GLS: variants seen among roughly 807,000 people sequenced by gnomAD.
GLS encodes the protein glutaminase kidney isoform, mitochondrial.
In GLS, 36 loss-of-function variants were observed where a neutral mutation model predicts 86.7. The ratio of observed to expected loss-of-function variants is 0.42; its 90% CI spans 0.32 to 0.55. GLS has a LOEUF of 0.55. Among genes scored for constraint, GLS ranks in the 20% least tolerant of loss-of-function variants. GLS has a pLI of 0.17. For missense variants in GLS, 528 were observed against 833.4 expected, an observed-to-expected ratio of 0.63 and a Z score of 4.51; for synonymous variants, 317 against 305.9, an observed-to-expected ratio of 1.04 and a Z score of -0.38.
intron 17 of GLS, among the ~76,000 whole-genome samples, chr2:190,958,358 T>A (rs977176256): frequency 6.6e-6 from 1 of 152,178 alleles, no homozygotes; most frequent in African/African-American, 2.4e-5. Flanking sequence ...ATTTTGTTGA[T>A]GTTTTCAAAA....
chr2:190,938,399 A>C lies in GLS; in HGVS notation c.1650+6762A>C, dbSNP rs1690336128. On this transcript the variant is annotated intron_variant, in intron 14 of 17. Transcript: ENST00000320717. The surrounding 1 kb of genome is among the most constrained non-coding windows in gnomAD (Gnocchi z 4.1). ...GCAATTATATTTGGAATCCTGAGCT[A>C]TAATTAAATTTATATTCTGTAAAAC... 6.6e-6 allele frequency among the ~76,000 whole-genome samples: 1 copy of C among 151,618 alleles called. No individual in the cohort carries two copies. The highest frequency in any genetic ancestry group is 2.4e-5 in the African/African-American group (1 of 41,440).
chr2:190,934,890 G>T (rs187713469), intron 14 of GLS: 25 of 979,296 alleles, frequency 2.6e-5, no homozygotes, highest in Middle Eastern at 5.3e-4. Context: ...ACTGCGAATA[G>T]GCCCTCAAAC....
intron 1 of GLS, among the ~76,000 whole-genome samples, chr2:190,887,383 G>C (rs1688421048): frequency 6.6e-6 from 1 of 151,750 alleles, no homozygotes; most frequent in African/African-American, 2.4e-5. Context: ...CTTCCATTTG[G>C]GAGTGTCCTC....
At position 190,943,926 on chromosome 2, in the gene GLS, G is replaced by A. The variant is rs1372279290; in HGVS notation, c.1651-9639G>A. On this transcript the variant is annotated intron_variant, in intron 14 of 17. Transcript: ENST00000320717. The surrounding 1 kb of genome is among the most constrained non-coding windows in gnomAD (Gnocchi z 4.5). Reference sequence around the variant, plus strand: ...AACATTAAAGCAATTAGTAAAGATTGTGTTAGTATTGTGGGTTGGAATAAC... The same window carrying A: ...AACATTAAAGCAATTAGTAAAGATTATGTTAGTATTGTGGGTTGGAATAAC... 1.3e-5 allele frequency among the ~76,000 whole-genome samples: 2 copies of A among 152,164 alleles called. No individual in the cohort carries two copies. Among genetic ancestry groups the A allele is most frequent in the Non-Finnish European group, 2.9e-5 (2 of 68,014 alleles).
At position 190,938,824 on chromosome 2, in the gene GLS, G is replaced by A. The variant is rs1690347382; in HGVS notation, c.1650+7187G>A. 6.6e-6 allele frequency among the ~76,000 whole-genome samples: 1 copy of A among 151,604 alleles called. No homozygotes were observed. The highest frequency in any genetic ancestry group is 2.1e-4 in the South Asian group (1 of 4,832). On this transcript the variant is annotated intron_variant, in intron 14 of 17. Coordinates refer to ENST00000320717, the MANE Select transcript of GLS (RefSeq NM_014905.5). The surrounding 1 kb of genome is among the most constrained non-coding windows in gnomAD (Gnocchi z 4.1). Reference sequence around the variant, plus strand: ...ACTAATTGTATTTTTCTAGTAAGCAGTCTTATGTCCCAGTTGTTAAAAATT... The same window carrying A: ...ACTAATTGTATTTTTCTAGTAAGCAATCTTATGTCCCAGTTGTTAAAAATT...
chr2:190,961,476 C>T (rs1690998846), intron 17 of GLS, among the ~76,000 whole-genome samples: 1 of 152,180 alleles, frequency 6.6e-6, no homozygotes, highest in African/African-American at 2.4e-5. Context: ...GGATTACAGG[C>T]ATCACTGTAT....
At chr2:190,893,888 A>G (rs996878785) in intron 1 of GLS, among the ~76,000 whole-genome samples, 1 of 152,154 alleles carries the variant, frequency 6.6e-6, no homozygotes, top group African/African-American at 2.4e-5. Context: ...CCCAGCTTCA[A>G]ATGCATTTTT....
At chr2:190,944,379 TG>T (rs1690529671) in intron 14 of GLS, among the ~76,000 whole-genome samples, 1 of 152,206 alleles carries the variant, frequency 6.6e-6, no homozygotes, top group Admixed American at 6.5e-5. Flanking sequence ...TATTCACTAA[TG>T]TTCATGAACT....
At chr2:190,931,950 A>G (rs1448161874) in intron 14 of GLS, among the ~76,000 whole-genome samples, 2 of 151,966 alleles carry the variant, frequency 1.3e-5, no homozygotes, top group East Asian at 3.8e-4. Context: ...TTTAGAATTG[A>G]TTCTGTTAAA....
intron 11 of GLS, among the ~76,000 whole-genome samples, chr2:190,925,331 T>A (rs1343260081): frequency 6.6e-6 from 1 of 152,232 alleles, no homozygotes; most frequent in African/African-American, 2.4e-5. Flanking sequence ...CTGGCTTAAC[T>A]GGTGCTAGTT....
At chr2:190,961,458 A>G (rs1690998098) in intron 17 of GLS, among the ~76,000 whole-genome samples, 1 of 152,164 alleles carries the variant, frequency 6.6e-6, no homozygotes, top group Non-Finnish European at 1.5e-5. Context: ...TGGCCTCCCA[A>G]AGTGATAGGA....
At chr2:190,931,723 T>C (rs1690110558) in intron 14 of GLS, 86 bp downstream of exon 14, 1 of 629,540 alleles carries the variant, frequency 1.6e-6, no homozygotes, top group Admixed American at 2.7e-5. Flanking sequence ...AAATCTTAGT[T>C]TGTTAGTGGC....
rs565648527 is a variant in GLS, at chr2:190,964,321, A to C, written c.*1335A>C. The C allele has an allele frequency of 3.9e-5, 6 of 152,286 alleles. No homozygotes were observed. The highest frequency in any genetic ancestry group is 1.4e-4 in the African/African-American group (6 of 41,554). 9.4% of individuals were successfully genotyped at this position (152,286 alleles called of 1,614,324 possible). A position where few individuals can be genotyped will look rare whatever the true frequency, so the allele number is the denominator to read the frequency against. On this transcript the variant is annotated 3_prime_UTR_variant, in exon 18 of 18. Transcript: ENST00000320717. The surrounding 1 kb of genome is among the most constrained non-coding windows in gnomAD (Gnocchi z 5.2). ...AGTGGCATGTTAGTGAGGAGTTCTG[A>C]TATTAAGCACACACACACATGCACA...
chr2:190,896,315 G>C (rs1688738658), intron 3 of GLS: 1 of 152,098 alleles, frequency 6.6e-6, no homozygotes, highest in South Asian at 2.1e-4. Context: ...TCCTGTATTT[G>C]CATATATTTA....
chr2:190,907,975 G>T (rs1689218246), intron 6 of GLS, among the ~76,000 whole-genome samples: 1 of 152,292 alleles, frequency 6.6e-6, no homozygotes, highest in Non-Finnish European at 1.5e-5. Flanking sequence ...AAGAGGAGTT[G>T]AGTTAATTTA....
chr2:190,910,920 T>C (rs1168602298), intron 7 of GLS, among the ~76,000 whole-genome samples: 1 of 150,636 alleles, frequency 6.6e-6, no homozygotes, highest in Non-Finnish European at 1.5e-5. Context: ...GCTTTGAAAT[T>C]TGCATTGTAA....
chr2:190,881,631 C>A, intron 1 of GLS, 161 bp downstream of exon 1: 2 of 630,458 alleles, frequency 3.2e-6, no homozygotes, highest in Middle Eastern at 4.7e-4. Flanking sequence ...TGATTAGGCC[C>A]GGCCCCGCCC....
intron 9 of GLS, among the ~76,000 whole-genome samples, chr2:190,922,787 A>G (rs993690363): frequency 1.3e-5 from 2 of 152,226 alleles, no homozygotes; most frequent in Non-Finnish European, 2.9e-5. Context: ...AGTGATATAA[A>G]GAACATTAAC....
In GLS at chr2:190,943,740, C is replaced by T. The variant is rs1395286336; in HGVS notation, c.1651-9825C>T. On this transcript the variant is annotated intron_variant, in intron 14 of 17. Coordinates refer to ENST00000320717, the MANE Select transcript of GLS (RefSeq NM_014905.5). The surrounding 1 kb of genome is among the most constrained non-coding windows in gnomAD (Gnocchi z 4.5). ...GCTATGAAAGTGCTTTGAAAAGTTA[C>T]AGCATTAGAGAAACATACTGTTATT... is the stretch of plus-strand genomic sequence containing the variant. Among the ~76,000 whole-genome samples, 2 of 152,098 alleles carry T rather than the reference C, an allele frequency of 1.3e-5. No homozygotes were observed. The highest frequency in any genetic ancestry group is 2.9e-5 in the Non-Finnish European group (2 of 68,006).
Sources: allele counts gnomAD v4.1 joint callset (sites outside exome capture counted in the v4.1 genomes callset), GRCh38; gene constraint gnomAD v4.1.1; non-coding constraint Gnocchi (gnomAD v3.1); transcripts MANE v1.5; gene names NCBI Gene and HGNC (gene_info 2026-07-23, HGNC 2026-07-21).